CHCHD6: variants seen among roughly 807,000 people sequenced by gnomAD.
The protein encoded by CHCHD6 is MICOS complex subunit MIC25.
Under a neutral mutation model 32.3 loss-of-function variants are expected in CHCHD6, and 28 were observed. That is an observed-to-expected ratio of 0.87 (90% CI 0.64 to 1.19). The LOEUF (loss-of-function observed/expected upper bound fraction) is 1.19, where lower values mean the gene tolerates loss of function less well. Among genes scored for constraint, CHCHD6 ranks in the 50% most tolerant of loss-of-function variants. The pLI, the probability that CHCHD6 is intolerant of heterozygous loss-of-function variation, is 0.00. For synonymous variants in CHCHD6, 122 were observed against 117.5 expected, an observed-to-expected ratio of 1.04 and a Z score of -0.25; for missense variants, 333 against 307.0, an observed-to-expected ratio of 1.08 and a Z score of -0.63.
At chr3:126,727,046 CT>C in intron 1 of CHCHD6, 31 bp from the exon 2 acceptor site, 1 of 1,520,012 alleles carries the variant, frequency 6.6e-7, no homozygotes, top group South Asian at 1.1e-5. Context: ...TGTGACATAA[CT>C]TTTTCTTTTC....
chr3:126,937,970 A>G (rs928090547), intron 6 of CHCHD6, among the ~76,000 whole-genome samples: 4 of 152,350 alleles, frequency 2.6e-5, no homozygotes, highest in Non-Finnish European at 5.9e-5. Context: ...TCCAAGCCAC[A>G]TGACTGAGAA....
intron 4 of CHCHD6, among the ~76,000 whole-genome samples, chr3:126,826,170 T>A (rs1476787718): frequency 6.6e-6 from 1 of 152,230 alleles, no homozygotes; most frequent in African/African-American, 2.4e-5. Flanking sequence ...GAAGAGGATT[T>A]GGCTTCTCAA....
At chr3:126,832,576 C>T (rs1210635905) in intron 4 of CHCHD6, among the ~76,000 whole-genome samples, 2 of 152,198 alleles carry the variant, frequency 1.3e-5, no homozygotes, top group Non-Finnish European at 2.9e-5. Context: ...GTGAAGTCCT[C>T]AGGGCCTGTT....
At chr3:126,877,817 G>A (rs2077559335) in intron 5 of CHCHD6, among the ~76,000 whole-genome samples, 1 of 152,194 alleles carries the variant, frequency 6.6e-6, no homozygotes, top group South Asian at 2.1e-4. Flanking sequence ...CATTACCATT[G>A]GCGGAAGGTA....
chr3:126,705,199 G>GT (rs1297440177), intron 1 of CHCHD6, among the ~76,000 whole-genome samples: 1 of 152,134 alleles, frequency 6.6e-6, no homozygotes, highest in Non-Finnish European at 1.5e-5. Flanking sequence ...CCAATCTGAA[G>GT]TAACCTCCCA....
chr3:126,853,439 A>T (rs1253991095), intron 5 of CHCHD6, among the ~76,000 whole-genome samples: 1 of 152,112 alleles, frequency 6.6e-6, no homozygotes, highest in African/African-American at 2.4e-5. Flanking sequence ...ATGCCAAGCA[A>T]CCTGAGCCAT....
At chr3:126,770,194 G>A (rs1374467139) in intron 4 of CHCHD6, among the ~76,000 whole-genome samples, 1 of 152,122 alleles carries the variant, frequency 6.6e-6, no homozygotes, top group Non-Finnish European at 1.5e-5. Context: ...TGTTGCTTTT[G>A]TATCCTGAAA....
chr3:126,943,257 T>C (rs948023106), intron 6 of CHCHD6, among the ~76,000 whole-genome samples: 4 of 152,142 alleles, frequency 2.6e-5, no homozygotes, highest in African/African-American at 9.7e-5. Flanking sequence ...AAAAGGACAA[T>C]TGAAGGACAA....
intron 5 of CHCHD6, chr3:126,865,824 G>A (rs1230963382): frequency 1.2e-6 from 1 of 855,596 alleles, no homozygotes; most frequent in Non-Finnish European, 1.4e-6. Context: ...ACTAATCTCT[G>A]AGGTAAGGGG....
chr3:126,896,072 C>T (rs1186785000), intron 5 of CHCHD6, among the ~76,000 whole-genome samples: 1 of 152,142 alleles, frequency 6.6e-6, no homozygotes, highest in Non-Finnish European at 1.5e-5. Context: ...GAAACCACAG[C>T]CTAGGAAGGG....
intron 4 of CHCHD6, among the ~76,000 whole-genome samples, chr3:126,851,343 T>A (rs1941468440): frequency 6.6e-6 from 1 of 152,234 alleles, no homozygotes; most frequent in African/African-American, 2.4e-5. Context: ...TTTTGAGTGA[T>A]TCAAACCCAT....
At chr3:126,955,267 G>A (rs2078767376) in intron 6 of CHCHD6, among the ~76,000 whole-genome samples, 1 of 152,276 alleles carries the variant, frequency 6.6e-6, no homozygotes, top group Non-Finnish European at 1.5e-5. Flanking sequence ...CCAGCCGCCT[G>A]TGCGGCAGCT....
At chr3:126,704,784 T>C (rs954573758) in intron 1 of CHCHD6, among the ~76,000 whole-genome samples, 1 of 152,132 alleles carries the variant, frequency 6.6e-6, no homozygotes, top group Admixed American at 6.5e-5. Flanking sequence ...CCACCTGGGC[T>C]TTGCCTGGGG....
chr3:126,841,752 A>T (rs1047516609), intron 4 of CHCHD6, among the ~76,000 whole-genome samples: 15 of 149,334 alleles, frequency 1.0e-4, no homozygotes, highest in South Asian at 2.1e-4. Flanking sequence ...AAAAAAAAAA[A>T]TTTTTTTTTT....
chr3:126,770,536 AG>A (rs1459688855), intron 4 of CHCHD6, among the ~76,000 whole-genome samples: 2 of 152,200 alleles, frequency 1.3e-5, no homozygotes, highest in Non-Finnish European at 2.9e-5. Flanking sequence ...TTTAACATGA[AG>A]GGATGTTGAA....
At chr3:126,775,602 G>A (rs901488556) in intron 4 of CHCHD6, among the ~76,000 whole-genome samples, 3 of 152,140 alleles carry the variant, frequency 2.0e-5, no homozygotes, top group Non-Finnish European at 2.9e-5. Context: ...GTTAGCAACC[G>A]CAAGCAGCAG....
At chr3:126,859,014 T>C (rs1194899270) in intron 5 of CHCHD6, among the ~76,000 whole-genome samples, 1 of 152,256 alleles carries the variant, frequency 6.6e-6, no homozygotes, top group Non-Finnish European at 1.5e-5. Context: ...TTAGCGCCTG[T>C]GGCTGTCTGC....
chr3:126,933,683 C>T (rs2078437678), intron 6 of CHCHD6, among the ~76,000 whole-genome samples: 1 of 152,162 alleles, frequency 6.6e-6, no homozygotes, highest in South Asian at 2.1e-4. Flanking sequence ...CCCCTATGAC[C>T]CAGACACCTC....
At chr3:126,889,380 A>G (rs2122000) in intron 5 of CHCHD6, among the ~76,000 whole-genome samples, 64,864 of 152,086 alleles carry the variant, frequency 0.43, 15,166 homozygotes, top group African/African-American at 0.63. Context: ...AACTTGAGGC[A>G]CTGCGGAGCC....
Sources: allele counts gnomAD v4.1 joint callset (sites outside exome capture counted in the v4.1 genomes callset), GRCh38; gene constraint gnomAD v4.1.1; transcripts MANE v1.5; gene names NCBI Gene and HGNC (gene_info 2026-07-23, HGNC 2026-07-21).